RBFOX1: variants seen among roughly 807,000 people sequenced by gnomAD.
The protein encoded by RBFOX1 is RNA binding fox-1 homolog 1, also known as RNA binding protein fox-1 homolog 1.
RBFOX1 carries 8 observed loss-of-function variants against 57.7 expected under a neutral mutation model. That is an observed-to-expected ratio of 0.14 (90% CI 0.08 to 0.25). RBFOX1 has a LOEUF of 0.25. Among genes scored for constraint, RBFOX1 ranks in the 10% least tolerant of loss-of-function variants. The pLI, the probability that RBFOX1 is intolerant of heterozygous loss-of-function variation, is 1.00. For synonymous variants in RBFOX1, 326 were observed against 222.4 expected (o/e 1.47, Z -4.15); for missense variants, 611 against 548.5 (o/e 1.11, Z -1.14).
chr16:5,702,826 AT>A (rs1194714233), intron 3 of RBFOX1, among the ~76,000 whole-genome samples: 1 of 152,164 alleles, frequency 6.6e-6, no homozygotes, highest in Non-Finnish European at 1.5e-5. Flanking sequence ...AGTTTAGTAA[AT>A]GCTCATGTTT....
At chr16:6,361,231 G>A (rs1178187141) in intron 2 of RBFOX1, among the ~76,000 whole-genome samples, 6 of 152,122 alleles carry the variant, frequency 3.9e-5, no homozygotes, top group African/African-American at 1.4e-4. Context: ...AGGCACAGAG[G>A]AAAGATTCTG....
At chr16:7,129,315 T>C (rs1438607144) in intron 4 of RBFOX1, among the ~76,000 whole-genome samples, 3 of 152,144 alleles carry the variant, frequency 2.0e-5, no homozygotes, top group African/African-American at 7.2e-5. Context: ...TTGGTTAGAT[T>C]TGGGTCCTGT....
chr16:6,475,851 C>G (rs1360664071), intron 2 of RBFOX1, among the ~76,000 whole-genome samples: 1 of 152,174 alleles, frequency 6.6e-6, no homozygotes, highest in Non-Finnish European at 1.5e-5. Context: ...ACCATAACTT[C>G]TAGCAGAAAG....
chr16:6,532,313 C>T (rs1362334), intron 2 of RBFOX1, among the ~76,000 whole-genome samples: 1 of 152,082 alleles, frequency 6.6e-6, no homozygotes, highest in African/African-American at 2.4e-5. Context: ...AACCAGTGAG[C>T]AAGTGATCTC....
intron 2 of RBFOX1, chr16:5,598,823 C>G: frequency 1.8e-6 from 2 of 1,101,994 alleles, no homozygotes; most frequent in Non-Finnish European, 2.5e-6. Context: ...TTGTGCTAAA[C>G]TGGGTTACTC....
intron 4 of RBFOX1, among the ~76,000 whole-genome samples, chr16:7,284,557 C>T (rs2095611577): frequency 6.6e-6 from 1 of 152,056 alleles, no homozygotes; most frequent in African/African-American, 2.4e-5. Context: ...TCTCGATCTC[C>T]TGGCCTCAAG....
chr16:6,038,879 G>C (rs935317149), intron 1 of RBFOX1: 10 of 150,428 alleles, frequency 6.6e-5, no homozygotes, highest in African/African-American at 2.2e-4. Context: ...TTTTAAATAC[G>C]CAGTGATTCT....
chr16:6,050,463 T>G (rs2095541083), intron 1 of RBFOX1, among the ~76,000 whole-genome samples: 1 of 152,214 alleles, frequency 6.6e-6, no homozygotes, highest in Non-Finnish European at 1.5e-5. Context: ...TAAATTAGTC[T>G]AGGTCAGATG....
chr16:5,895,445 C>G (rs1030118928), intron 4 of RBFOX1, among the ~76,000 whole-genome samples: 10 of 152,194 alleles, frequency 6.6e-5, no homozygotes, highest in African/African-American at 2.4e-4. Flanking sequence ...ATGCCAACCT[C>G]TGTGTCACTG....
intron 15 of RBFOX1, chr16:7,710,230 T>G: frequency 9.5e-7 from 1 of 1,053,966 alleles, no homozygotes; most frequent in Non-Finnish European, 1.1e-6. Flanking sequence ...ATTCAACAAC[T>G]CTGCTTCAAC....
intron 4 of RBFOX1, among the ~76,000 whole-genome samples, chr16:7,493,775 A>G (rs2067699888): frequency 6.6e-6 from 1 of 152,242 alleles, no homozygotes; most frequent in South Asian, 2.1e-4. Context: ...TTGAGAAATC[A>G]GAACTAAAAG....
At chr16:6,797,005 G>A (rs1238879297) in intron 3 of RBFOX1, among the ~76,000 whole-genome samples, 1 of 152,160 alleles carries the variant, frequency 6.6e-6, no homozygotes, top group Non-Finnish European at 1.5e-5. Context: ...GCCACGGGCA[G>A]TCTAAATGTC....
chr16:6,608,352 G>T (rs1444236020), intron 2 of RBFOX1, among the ~76,000 whole-genome samples: 1 of 152,164 alleles, frequency 6.6e-6, no homozygotes. Flanking sequence ...TTAAATCCCA[G>T]TATTATTGTT....
chr16:7,277,346 A>G (rs978092410), intron 4 of RBFOX1, among the ~76,000 whole-genome samples: 2 of 152,184 alleles, frequency 1.3e-5, no homozygotes, highest in Non-Finnish European at 2.9e-5. Context: ...TTGTATGTAG[A>G]TATCTCCTTC....
intron 4 of RBFOX1, among the ~76,000 whole-genome samples, chr16:7,066,022 A>T (rs1474678057): frequency 1.3e-5 from 2 of 152,212 alleles, no homozygotes; most frequent in African/African-American, 4.8e-5. Flanking sequence ...ACCAATTGAA[A>T]TGGTTTAATT....
chr16:6,876,375 C>T (rs1320387312), intron 3 of RBFOX1, among the ~76,000 whole-genome samples: 7 of 151,918 alleles, frequency 4.6e-5, no homozygotes, highest in Admixed American at 4.6e-4. Flanking sequence ...TAATACCATC[C>T]AACCCCTGAA....
chr16:5,739,203 G>A (rs918453477), intron 3 of RBFOX1, among the ~76,000 whole-genome samples: 1 of 152,218 alleles, frequency 6.6e-6, no homozygotes, highest in African/African-American at 2.4e-5. Context: ...TTCAGGCAAG[G>A]AAGGATGAAA....
At chr16:6,683,490 A>G (rs1249252816) in intron 3 of RBFOX1, among the ~76,000 whole-genome samples, 2 of 152,236 alleles carry the variant, frequency 1.3e-5, no homozygotes, top group Non-Finnish European at 2.9e-5. Flanking sequence ...ATATACATGC[A>G]TCCAAAACTA....
intron 4 of RBFOX1, among the ~76,000 whole-genome samples, chr16:7,244,267 A>G (rs71374934): frequency 0.095 from 13,925 of 146,574 alleles, 905 homozygotes; most frequent in East Asian, 0.18. Flanking sequence ...AAAAAAAAAA[A>G]AAAACACCCT....
Sources: allele counts gnomAD v4.1 joint callset (sites outside exome capture counted in the v4.1 genomes callset), GRCh38; gene constraint gnomAD v4.1.1; transcripts MANE v1.5; gene names NCBI Gene and HGNC (gene_info 2026-07-23, HGNC 2026-07-21).